SEMA3C: variants seen among roughly 807,000 people sequenced by gnomAD.
The protein encoded by SEMA3C is semaphorin-3C.
Under a neutral mutation model 89.4 loss-of-function variants are expected in SEMA3C, and 47 were observed. That is an observed-to-expected ratio of 0.53 (90% CI 0.42 to 0.67). SEMA3C has a LOEUF of 0.67. SEMA3C is among the 30% of genes least tolerant of loss of function. SEMA3C has a pLI of 0.00. For synonymous variants in SEMA3C, 310 were observed against 320.2 expected (o/e 0.97, Z 0.34); for missense variants, 839 against 929.1 (o/e 0.90, Z 1.26).
In SEMA3C at chr7:80,800,076, C is replaced by T. The variant is rs182321993; in HGVS notation, c.986+681G>A. On this transcript the variant is annotated intron_variant, in intron 10 of 17. Transcript: ENST00000265361. ...GCTGAGGCAGGAGAACGGCATGAAC[C>T]CCAGAGGCGGAGCTTGCAGTGAGCC... is the stretch of plus-strand genomic sequence containing the variant. Among the ~76,000 whole-genome samples, 670 of 150,532 alleles carry T rather than the reference C, an allele frequency of 4.5e-3. 4 individuals carry two copies. Among genetic ancestry groups the T allele is most frequent in the Non-Finnish European group, 6.5e-3 (439 of 67,644 alleles).
intron 2 of SEMA3C, among the ~76,000 whole-genome samples, chr7:80,839,225 A>C (rs1790207861): frequency 6.6e-6 from 1 of 152,212 alleles, no homozygotes; most frequent in Non-Finnish European, 1.5e-5. Flanking sequence ...AATGATATTC[A>C]TACTTCTAGG....
At chr7:80,750,266 G>A (rs1787894006) in intron 16 of SEMA3C, among the ~76,000 whole-genome samples, 1 of 151,302 alleles carries the variant, frequency 6.6e-6, no homozygotes, top group South Asian at 2.1e-4. Context: ...AGAATGGGAA[G>A]GAAGGAATTA....
At chr7:80,817,762 C>A (rs1789643188) in intron 5 of SEMA3C, among the ~76,000 whole-genome samples, 1 of 152,088 alleles carries the variant, frequency 6.6e-6, no homozygotes, top group East Asian at 1.9e-4. Flanking sequence ...TTGTTAATTA[C>A]ATCAAGTTCT....
chr7:80,851,366 G>A lies in SEMA3C; in HGVS notation c.104-22621C>T, dbSNP rs190769687. Among the ~76,000 whole-genome samples, 548 of 151,726 alleles carry A rather than the reference G, an allele frequency of 3.6e-3. 5 individuals carry two copies. Among genetic ancestry groups the A allele is most frequent in the African/African-American group, 0.013 (520 of 41,376 alleles). On this transcript the variant is annotated intron_variant, in intron 2 of 17. Transcript: ENST00000265361. ...CTAAAAATACAAAAATTAGCCAGGC[G>A]TGGGGCAGGCACCTATAATCCCAGC...
chr7:80,868,050 G>C (rs549259081), intron 2 of SEMA3C, among the ~76,000 whole-genome samples: 46 of 152,236 alleles, frequency 3.0e-4, no homozygotes, highest in African/African-American at 9.4e-4. Context: ...CAATTTAAAA[G>C]TATTGACAAC....
At position 80,831,027 on chromosome 7, in the gene SEMA3C, G is replaced by A. The variant is rs527257015; in HGVS notation, c.104-2282C>T. On this transcript the variant is annotated intron_variant, in intron 2 of 17. Transcript: ENST00000265361. ...GTCTAAAATCCAGGTGTTTTATAAC[G>A]CTTACTTTTATCTCAGGGCTATGAT... is the stretch of plus-strand genomic sequence containing the variant. Among the ~76,000 whole-genome samples, 6 of 152,254 alleles carry A rather than the reference G, an allele frequency of 3.9e-5. No homozygotes were observed. In the East Asian group the frequency reaches 9.6e-4, roughly 24 times the overall value.
chr7:80,770,029 G>A (rs1045691225), intron 12 of SEMA3C, among the ~76,000 whole-genome samples: 27 of 152,080 alleles, frequency 1.8e-4, no homozygotes, highest in Non-Finnish European at 2.5e-4. Flanking sequence ...GTATCCTTGC[G>A]CTGTATCATT....
intron 5 of SEMA3C, among the ~76,000 whole-genome samples, chr7:80,815,707 T>A (rs532050218): frequency 6.6e-6 from 1 of 151,986 alleles, no homozygotes; most frequent in Non-Finnish European, 1.5e-5. Context: ...TGAAACAGAC[T>A]AGATTGGTGG....
rs1191790315 is a variant in SEMA3C at position 80,751,417 on chromosome 7, C to T, written c.1644-81G>A. 3 of 1,257,490 alleles carry T rather than the reference C, an allele frequency of 2.4e-6. No individual in the cohort carries two copies. In the African/African-American group the frequency reaches 4.4e-5, roughly 19 times the overall value. 77.9% of individuals were successfully genotyped at this position (1,257,490 alleles called of 1,614,324 possible). On this transcript the variant is annotated intron_variant, in intron 15 of 17. Transcript: ENST00000265361. ...ACTCTTAAAACACTGTAATTTTAAA[C>T]TTTGCACCCTTTTTATTGCTAAGCT...
At chr7:80,777,933 A>G (rs889909603) in intron 12 of SEMA3C, among the ~76,000 whole-genome samples, 6 of 152,206 alleles carry the variant, frequency 3.9e-5, no homozygotes, top group African/African-American at 1.4e-4. Context: ...CCCTTTTAAG[A>G]TGTGACTTCA....
intron 2 of SEMA3C, among the ~76,000 whole-genome samples, chr7:80,899,370 C>T (rs954159373): frequency 1.3e-5 from 2 of 151,920 alleles, no homozygotes; most frequent in African/African-American, 4.8e-5. Flanking sequence ...CAAATATGTT[C>T]GTAGACAAAG....
intron 12 of SEMA3C, among the ~76,000 whole-genome samples, chr7:80,766,138 G>A (rs1788296899): frequency 2.0e-5 from 3 of 152,142 alleles, no homozygotes; most frequent in Non-Finnish European, 4.4e-5. Flanking sequence ...AAACACAACT[G>A]ATTTTATTTC....
chr7:80,751,718 T>C (rs1487538064), intron 15 of SEMA3C, among the ~76,000 whole-genome samples: 1 of 152,196 alleles, frequency 6.6e-6, no homozygotes, highest in Non-Finnish European at 1.5e-5. Context: ...TCCGTAGCAT[T>C]TTCCTTTTTA....
At position 80,828,715 on chromosome 7, in the gene SEMA3C, A is replaced by T. The variant is rs1182516632; in HGVS notation, c.134T>A (p.Phe45Tyr). 1.9e-6 allele frequency: 3 copies of T among 1,610,822 alleles called. No homozygotes were observed. Among genetic ancestry groups the T allele is most frequent in the Non-Finnish European group, 2.5e-6 (3 of 1,177,956 alleles). ...ELRETKTSEY[F>Y]SLSHHPLDYR... ...GTCTAAAGGATGGTGGGAAAGGCTG[A>T]AGTATTCAGAGGTCTTGGTTTCTCG... The change falls in exon 3 of 18, where the codon TTC becomes TAC. Residue 45 changes from phenylalanine to tyrosine, a missense_variant. Transcript: ENST00000265361.
intron 2 of SEMA3C, among the ~76,000 whole-genome samples, chr7:80,902,353 T>C (rs1791901804): frequency 6.6e-6 from 1 of 152,186 alleles, no homozygotes; most frequent in African/African-American, 2.4e-5. Flanking sequence ...GTTCTGTTTA[T>C]TACTGACCTG....
At chr7:80,921,433 A>G (rs1363273381), upstream of SEMA3C, among the ~76,000 whole-genome samples, 3 of 152,206 alleles carry the variant, frequency 2.0e-5, no homozygotes, top group Non-Finnish European at 4.4e-5. Context: ...CAGTGGCACT[A>G]GAAGCCCCTA....
chr7:80,885,976 G>A (rs1021944976), intron 2 of SEMA3C, among the ~76,000 whole-genome samples: 1 of 152,154 alleles, frequency 6.6e-6, no homozygotes, highest in African/African-American at 2.4e-5. Context: ...CAAACCTGCT[G>A]ATGACATATT....
rs748091318 is a variant in SEMA3C at position 80,798,217 on chromosome 7, C to T, written c.1006G>A (p.Ala336Thr). 7.4e-6 allele frequency: 11 copies of T among 1,484,528 alleles called. No individual in the cohort carries two copies. The highest frequency in any genetic ancestry group is 8.9e-6 in the Non-Finnish European group (10 of 1,117,968). 92.0% of individuals were successfully genotyped at this position (1,484,528 alleles called of 1,614,324 possible). The part of the protein sequence containing the change: ...TTSSSVFKGS[A>T]VCVYHLSDIQ... Reference sequence around the variant, plus strand: ...TCAGATAAATGATACACACACACGGCTGATCCTTTGAAAACTGAGCTAAAA... The same window carrying T: ...TCAGATAAATGATACACACACACGGTTGATCCTTTGAAAACTGAGCTAAAA... The change falls in exon 11 of 18, where the codon GCC (alanine) becomes ACC (threonine). Residue 336 changes from alanine to threonine, a missense_variant. Coordinates refer to ENST00000265361, the MANE Select transcript of SEMA3C (RefSeq NM_006379.5).
intron 5 of SEMA3C, among the ~76,000 whole-genome samples, chr7:80,814,961 A>G (rs540369155): frequency 6.6e-6 from 1 of 152,254 alleles, no homozygotes; most frequent in South Asian, 2.1e-4. Context: ...ATCATCTGTT[A>G]CCTAACACAT....
Sources: allele counts gnomAD v4.1 joint callset (sites outside exome capture counted in the v4.1 genomes callset), GRCh38; gene constraint gnomAD v4.1.1; transcripts MANE v1.5; gene names NCBI Gene and HGNC (gene_info 2026-07-23, HGNC 2026-07-21).